FAM171B: variants seen among roughly 807,000 people sequenced by gnomAD.
The protein encoded by FAM171B is protein FAM171B.
A neutral mutation model predicts 75.6 loss-of-function variants in FAM171B; 19 were observed. That is an observed-to-expected ratio of 0.25 (90% CI 0.18 to 0.37). The LOEUF (loss-of-function observed/expected upper bound fraction) is 0.37. FAM171B is among the 10% of genes least tolerant of loss of function. The probability of loss-of-function intolerance (pLI) is 1.00; values close to 1 mark genes in which losing one functional copy is unlikely to be tolerated. For synonymous variants in FAM171B, 367 were observed against 361.7 expected (o/e 1.01, Z -0.17); for missense variants, 848 against 982.4 (o/e 0.86, Z 1.83).
intron 1 of FAM171B, among the ~76,000 whole-genome samples, chr2:186,730,420 CT>C (rs979078533): frequency 1.3e-5 from 2 of 152,098 alleles, no homozygotes; most frequent in Non-Finnish European, 2.9e-5. Flanking sequence ...TGTATAAAAC[CT>C]GTAATTTATT....
chr2:186,694,748 AACACACACACAC>A lies in FAM171B; in HGVS notation c.238+372_238+383del, dbSNP rs57171143. On this transcript the variant is annotated intron_variant, in intron 1 of 7. Transcript: ENST00000304698. Reference sequence around the variant, plus strand: ...TACCCTCTGCCCTGGGAATGACTGTAACACACACACACACACACACACACACACACACACACA... The same window carrying A: ...TACCCTCTGCCCTGGGAATGACTGTAACACACACACACACACACACACACA... Among the ~76,000 whole-genome samples, 319 of 133,320 alleles carry A rather than the reference AACACACACACAC, an allele frequency of 2.4e-3. 2 individuals carry two copies. The highest frequency in any genetic ancestry group is 4.5e-3 in the African/African-American group (155 of 34,220). 87.5% of individuals were successfully genotyped at this position (133,320 alleles called of 152,430 possible). A position where few individuals can be genotyped will look rare whatever the true frequency, so the allele number is the denominator to read the frequency against.
intron 1 of FAM171B, among the ~76,000 whole-genome samples, chr2:186,722,329 A>T (rs1043606979): frequency 6.6e-6 from 1 of 152,120 alleles, no homozygotes; most frequent in African/African-American, 2.4e-5. Flanking sequence ...TGTTCATTTT[A>T]GATGTTCAAC....
At chr2:186,741,945 A>G (rs193151200) in intron 2 of FAM171B, among the ~76,000 whole-genome samples, 127 of 152,280 alleles carry the variant, frequency 8.3e-4, no homozygotes, top group Admixed American at 8.0e-3. Flanking sequence ...AATGCAGTAA[A>G]TAAGTAAATC....
At chr2:186,747,405 A>G (rs570800240) in intron 4 of FAM171B, among the ~76,000 whole-genome samples, 155 bp downstream of exon 4, 2 of 152,128 alleles carry the variant, frequency 1.3e-5, no homozygotes, top group Non-Finnish European at 2.9e-5. Flanking sequence ...TGTATATAAT[A>G]AAAAATTCCC....
chr2:186,721,718 G>A (rs982722793), intron 1 of FAM171B, among the ~76,000 whole-genome samples: 1 of 151,912 alleles, frequency 6.6e-6, no homozygotes, highest in East Asian at 1.9e-4. Context: ...ATTTATTTGT[G>A]TCTCTCTCAG....
chr2:186,761,854 T>C lies in FAM171B; in HGVS notation c.1512T>C (p.Ser504=), dbSNP rs1308722508. ...ATATTAACAACAATCTATCTTCATC[T>C]CTAGGTGATGCTCAAGATGAAAAGA... is the stretch of plus-strand genomic sequence containing the variant. The part of the protein sequence containing the change: ...PKHINNNLSS[S]LGDAQDEKRY... The change falls in exon 8 of 8, where the codon TCT becomes TCC. Residue 504 remains serine, a synonymous_variant. Transcript: ENST00000304698. The C allele has an allele frequency of 6.2e-7, 1 of 1,613,224 alleles. No individual in the cohort carries two copies. Among genetic ancestry groups the C allele is most frequent in the Non-Finnish European group, 8.5e-7 (1 of 1,179,750 alleles).
chr2:186,740,195 G>A lies in FAM171B; in HGVS notation c.239-33G>A, dbSNP rs778877702. ...CTATGACATATGCATTCTAGGATAC[G>A]ACATGCTGCAATTTCTACCTTTTTC... is the stretch of plus-strand genomic sequence containing the variant. On this transcript the variant is annotated intron_variant, in intron 1 of 7. Coordinates refer to ENST00000304698, the MANE Select transcript of FAM171B (RefSeq NM_177454.4). 1.5e-5 allele frequency: 22 copies of A among 1,500,358 alleles called. No homozygotes were observed. In the East Asian group the frequency reaches 3.8e-4, roughly 26 times the overall value. 92.9% of individuals were successfully genotyped at this position (1,500,358 alleles called of 1,614,324 possible). A position where few individuals can be genotyped will look rare whatever the true frequency, so the allele number is the denominator to read the frequency against.
chr2:186,748,329 T>G (rs1006830566), intron 4 of FAM171B, among the ~76,000 whole-genome samples: 1 of 151,262 alleles, frequency 6.6e-6, no homozygotes, highest in African/African-American at 2.4e-5. Context: ...TTTTTTCAGA[T>G]ATTTTGTTCA....
At chr2:186,730,348 A>T (rs1409447745) in intron 1 of FAM171B, among the ~76,000 whole-genome samples, 1 of 152,258 alleles carries the variant, frequency 6.6e-6, no homozygotes, top group Non-Finnish European at 1.5e-5. Flanking sequence ...CAATATGTGT[A>T]AAGTTTCCAG....
intron 3 of FAM171B, among the ~76,000 whole-genome samples, 157 bp downstream of exon 3, chr2:186,743,732 T>A (rs1690326618): frequency 6.6e-6 from 1 of 152,248 alleles, no homozygotes. Flanking sequence ...GATATTTTAC[T>A]GTCAAATGAA....
chr2:186,696,950 C>T (rs1232999951), intron 1 of FAM171B, among the ~76,000 whole-genome samples: 1 of 152,012 alleles, frequency 6.6e-6, no homozygotes. Context: ...TCTAGTATCT[C>T]GAAGAGCACC....
rs533604639 is a variant in FAM171B at position 186,714,419 on chromosome 2, C to T, written c.238+20008C>T. ...AAAAGATGAGATGAAAGAAACTACA[C>T]ATTAAGAGAAAAGTGTCTGGAAATT... On this transcript the variant is annotated intron_variant, in intron 1 of 7. Coordinates refer to ENST00000304698, the MANE Select transcript of FAM171B (RefSeq NM_177454.4). Among the ~76,000 whole-genome samples, 9 of 152,210 alleles carry T rather than the reference C, an allele frequency of 5.9e-5. No homozygotes were observed. In the East Asian group the frequency reaches 1.4e-3, roughly 23 times the overall value.
In FAM171B at chr2:186,765,485, G is replaced by A. The variant is rs1236824053; in HGVS notation, c.*2662G>A. ...GATTATGCCCTTTCAGTTCTATAGGGATTATGCCCTTTTATAATACATAAT... is the reference window on the plus strand; with the variant it reads ...GATTATGCCCTTTCAGTTCTATAGGAATTATGCCCTTTTATAATACATAAT... On this transcript the variant is annotated 3_prime_UTR_variant, in exon 8 of 8. Coordinates refer to ENST00000304698, the MANE Select transcript of FAM171B (RefSeq NM_177454.4). The A allele has an allele frequency of 6.6e-6, 1 of 151,900 alleles. No individual in the cohort carries two copies. Among genetic ancestry groups the A allele is most frequent in the Admixed American group, 6.6e-5 (1 of 15,218 alleles). 9.4% of individuals were successfully genotyped at this position (151,900 alleles called of 1,614,324 possible).
intron 1 of FAM171B, among the ~76,000 whole-genome samples, chr2:186,730,617 C>A (rs1690101254): frequency 6.6e-6 from 1 of 152,032 alleles, no homozygotes. Context: ...CAAGACTTGA[C>A]CTTTGCAAAT....
intron 1 of FAM171B, among the ~76,000 whole-genome samples, chr2:186,730,532 C>T (rs931409830): frequency 6.6e-6 from 1 of 152,144 alleles, no homozygotes; most frequent in African/African-American, 2.4e-5. Context: ...CTGTATTATG[C>T]ACTAAGTCTA....
intron 1 of FAM171B, among the ~76,000 whole-genome samples, chr2:186,725,150 T>C (rs917441702): frequency 4.0e-5 from 6 of 151,842 alleles, no homozygotes; most frequent in South Asian, 2.1e-4. Flanking sequence ...TGAGACCATC[T>C]TGGCTAACAC....
intron 1 of FAM171B, among the ~76,000 whole-genome samples, chr2:186,711,034 G>A (rs1490608754): frequency 6.6e-6 from 1 of 151,976 alleles, no homozygotes; most frequent in Non-Finnish European, 1.5e-5. Context: ...AAAAAAAATG[G>A]TAATGGTAAA....
intron 1 of FAM171B, among the ~76,000 whole-genome samples, chr2:186,725,083 G>A (rs563356697): frequency 6.6e-5 from 10 of 152,098 alleles, no homozygotes; most frequent in Non-Finnish European, 1.3e-4. Context: ...GATGGCTCAC[G>A]CCTGTAATCC....
In FAM171B at chr2:186,694,146, T is replaced by G. The variant is rs1416383056; in HGVS notation, c.-28T>G. The G allele has an allele frequency of 6.6e-7, 1 of 1,522,816 alleles. No individual in the cohort carries two copies. The highest frequency in any genetic ancestry group is 2.0e-5 in the Admixed American group (1 of 50,498). The allele number at this position is 1,522,816 out of a possible 1,614,324, so 94.3% of individuals were successfully genotyped here. ...CGCCGCCGCCCGGAGCCCCGCAATATGCCGCCGCGGCCCTCTGGCTCTAGG... is the reference window on the plus strand; with the variant it reads ...CGCCGCCGCCCGGAGCCCCGCAATAGGCCGCCGCGGCCCTCTGGCTCTAGG... On this transcript the variant is annotated 5_prime_UTR_variant, in exon 1 of 8. The change abolishes an upstream ATG in the 5' untranslated region. Transcript: ENST00000304698.
Sources: gnomAD v4.1 joint callset for allele counts (sites outside exome capture counted in the v4.1 genomes callset) on GRCh38, gnomAD v4.1.1 for gene constraint, MANE v1.5 for transcripts, NCBI Gene and HGNC (gene_info 2026-07-23, HGNC 2026-07-21) for gene names.